The following MLLT6 variants were observed in gnomAD, a reference collection of about 807,000 sequenced individuals.
MLLT6 encodes protein AF-17.
A neutral mutation model predicts 103.0 loss-of-function variants in MLLT6; 22 were observed. That is an observed-to-expected ratio of 0.21 (90% confidence interval 0.15 to 0.31). MLLT6 has a LOEUF of 0.31. Ranked by LOEUF, MLLT6 falls within the 10% of genes least tolerant of loss-of-function variation. MLLT6 has a pLI of 1.00. For missense variants in MLLT6, 1,199 were observed against 1,441.7 expected, an observed-to-expected ratio of 0.83 and a Z score of 2.73; for synonymous variants, 606 against 623.5, an observed-to-expected ratio of 0.97 and a Z score of 0.42.
rs765399790 is a variant in MLLT6, at chr17:38,715,716, G to C, written c.924G>C (p.Leu308=). The C allele has an allele frequency of 2.5e-6, 4 of 1,614,138 alleles. No individual in the cohort carries two copies. The highest frequency in any genetic ancestry group is 3.4e-6 in the Non-Finnish European group (4 of 1,180,038). The stretch of plus-strand genomic sequence containing the variant: ...GGAAAAAGTCTTCCAGCCATAGCCT[G>C]AGTCATAAAGGGAAGAAACTGAGCA... ...SKGKKSSSHS[L]SHKGKKLSSG... The change falls in exon 9 of 20, where the codon CTG becomes CTC. Residue 308 remains leucine (L), a synonymous_variant. Coordinates refer to ENST00000621332, the MANE Select transcript of MLLT6 (RefSeq NM_005937.4).
intron 17 of MLLT6, 139 bp downstream of exon 17, chr17:38,722,366 C>G (rs1396397736): frequency 1.6e-5 from 11 of 676,760 alleles, no homozygotes; most frequent in African/African-American, 3.6e-5. Context: ...TCCTAGTCAC[C>G]TCTTGGCCTC....
Position 38,728,855 on chromosome 17 carries a change from A to G in MLLT6, c.*3257A>G, listed in dbSNP as rs1598006825. Reference sequence around the variant, plus strand: ...TATGTGGCACTGACTGTCTTAGCTCAGAGCTGGTGGATCCTCTCCATGGAC... The same window carrying G: ...TATGTGGCACTGACTGTCTTAGCTCGGAGCTGGTGGATCCTCTCCATGGAC... On this transcript the variant is annotated 3_prime_UTR_variant, in exon 20 of 20. Coordinates refer to ENST00000621332, the MANE Select transcript of MLLT6 (RefSeq NM_005937.4). 6 of 233,972 alleles carry G rather than the reference A, an allele frequency of 2.6e-5. No homozygotes were observed. The East Asian group carries it at 3.6e-4, about 14-fold the overall frequency. The allele number at this position is 233,972 out of a possible 1,614,324, so 14.5% of individuals were successfully genotyped here. A position where few individuals can be genotyped will look rare whatever the true frequency, so the allele number is the denominator to read the frequency against.
chr17:38,711,523 A>G (rs1905140460), intron 6 of MLLT6, among the ~76,000 whole-genome samples: 1 of 152,120 alleles, frequency 6.6e-6, no homozygotes, highest in Admixed American at 6.5e-5. Context: ...CAGTCAGCCA[A>G]GAGGGCACCA....
intron 6 of MLLT6, among the ~76,000 whole-genome samples, chr17:38,710,793 A>G (rs1905116910): frequency 6.6e-6 from 1 of 152,136 alleles, no homozygotes; most frequent in Admixed American, 6.5e-5. Context: ...CCCCTGTTTC[A>G]TTTTTGAAAG....
At chr17:38,719,669 A>C (rs1905575428) in intron 13 of MLLT6, 81 bp from the exon 14 acceptor site, 5 of 1,570,900 alleles carry the variant, frequency 3.2e-6, no homozygotes, top group Non-Finnish European at 4.3e-6. Context: ...CGTGGGCTGG[A>C]ACCCCTGGGG....
Position 38,705,307 on chromosome 17 carries a change from C to T in MLLT6, c.-326C>T, listed in dbSNP as rs1299371675. Among the ~76,000 whole-genome samples the T allele has an allele frequency of 6.9e-6, 1 of 145,102 alleles. No homozygotes were observed. The highest frequency in any genetic ancestry group is 2.5e-5 in the African/African-American group (1 of 39,768). On this transcript the variant is annotated 5_prime_UTR_variant, in exon 1 of 20. The change creates a new upstream start codon in the 5' untranslated region. Transcript: ENST00000621332. ...CGCCTCCCCCGCCGGGCTCGGGCTACGCGGCGGCGGGGCGGCCCTAGGAGC... is the reference window on the plus strand; with the variant it reads ...CGCCTCCCCCGCCGGGCTCGGGCTATGCGGCGGCGGGGCGGCCCTAGGAGC...
rs199803734 is a variant in MLLT6, at chr17:38,717,962, A to G, written c.1942+9A>G. 1.9e-4 allele frequency: 294 copies of G among 1,559,970 alleles called. No homozygotes were observed. Among genetic ancestry groups the G allele is most frequent in the Non-Finnish European group, 2.4e-4 (266 of 1,131,554 alleles). ...TGAGAGCAGCCACACAGGTATGTGA[A>G]TATCTGATCCCCTCTCCCCTTTCTT... is the stretch of plus-strand genomic sequence containing the variant. On this transcript the variant is annotated intron_variant, in intron 12 of 19. Transcript: ENST00000621332.
In MLLT6 at chr17:38,705,662, A is replaced by T. The variant is rs369231140; in HGVS notation, c.30A>T (p.Val10=). The T allele has an allele frequency of 1.3e-6, 2 of 1,548,648 alleles. No homozygotes were observed. Among genetic ancestry groups the T allele is most frequent in the Admixed American group, 1.8e-5 (1 of 56,200 alleles). ...AGGAGATGGTAGGAGGCTGCTGCGT[A>T]TGTTCGGACGAGAGGGGCTGGGCCG... is the stretch of plus-strand genomic sequence containing the variant. MKEMVGGCC[V]CSDERGWAEN... is the part of the protein sequence containing the mutation. The change falls in exon 1 of 20, where the codon GTA becomes GTT. Residue 10 remains valine, a synonymous_variant. Coordinates refer to ENST00000621332, the MANE Select transcript of MLLT6 (RefSeq NM_005937.4).
Position 38,716,438 on chromosome 17 carries a change from T to TC in MLLT6, c.1110dup (p.Lys371GlnfsTer22). On this transcript the variant is annotated frameshift_variant, in exon 10 of 20. Transcript: ENST00000621332. LOFTEE classifies it high-confidence loss of function. The surrounding 1 kb of genome is among the most constrained non-coding windows in gnomAD (Gnocchi z 5.6). The stretch of plus-strand genomic sequence containing the variant: ...GGAGCAGCCAGAGGAGGACAAGTAC[T>TC]CCAAGCCCACAGCCCCCGCCCCTTC... The TC allele has an allele frequency of 6.2e-7, 1 of 1,613,832 alleles. No homozygotes were observed.
intron 9 of MLLT6, 112 bp downstream of exon 9, chr17:38,715,940 G>A (rs1262105418): frequency 1.0e-6 from 1 of 969,338 alleles, no homozygotes; most frequent in Non-Finnish European, 1.5e-6. Context: ...TTCTCCATTG[G>A]TTCAGGATAA....
In MLLT6 at chr17:38,715,867, A is replaced by C. The variant is rs73293275; in HGVS notation, c.1036+39A>C. 6.6e-3 allele frequency: 10,072 copies of C among 1,537,602 alleles called. 532 individuals are homozygous for C. The African/African-American group carries it at 0.12, about 18-fold the overall frequency. Reference sequence around the variant, plus strand: ...TCCGGGAGGAAGCTGGGAGCAGGGAAAGCCTTTTGTCCTGAGCTTTTCTGG... The same window carrying C: ...TCCGGGAGGAAGCTGGGAGCAGGGACAGCCTTTTGTCCTGAGCTTTTCTGG... On this transcript the variant is annotated intron_variant, in intron 9 of 19. Transcript: ENST00000621332.
chr17:38,720,252 T>A, intron 14 of MLLT6, 120 bp from the exon 15 acceptor site: 1 of 1,007,852 alleles, frequency 9.9e-7, no homozygotes, highest in African/African-American at 1.6e-5. Context: ...GTGTCCCTCC[T>A]TAGGATGGCG....
rs73293272 is a variant in MLLT6 at position 38,709,964 on chromosome 17, A to G, written c.552+389A>G. Among the ~76,000 whole-genome samples, 1,612 of 152,316 alleles carry G rather than the reference A, an allele frequency of 0.011. 28 individuals carry two copies. The highest frequency in any genetic ancestry group is 0.037 in the African/African-American group (1,522 of 41,572). On this transcript the variant is annotated intron_variant, in intron 6 of 19. Transcript: ENST00000621332. The surrounding 1 kb of genome is among the most constrained non-coding windows in gnomAD (Gnocchi z 4.3). ...ATGTGTTATTTTGTGTGGTCCCCCC[A>G]CCAACCCTAAGAACTAGGTGTGCTA...
chr17:38,708,190 C>G, intron 4 of MLLT6: 1 of 401,438 alleles, frequency 2.5e-6, no homozygotes. Context: ...AGCTGGCACA[C>G]GCTGTTCGGT....
chr17:38,721,385 T>C (rs1183784941), intron 16 of MLLT6, among the ~76,000 whole-genome samples: 3 of 152,216 alleles, frequency 2.0e-5, no homozygotes, highest in Non-Finnish European at 4.4e-5. Flanking sequence ...GCCTATGGAA[T>C]AGGTACTACT....
In MLLT6 at chr17:38,723,367, C is replaced by T. The variant is rs1278203768; in HGVS notation, c.2883+599C>T. Among the ~76,000 whole-genome samples, 6 of 152,084 alleles carry T rather than the reference C, an allele frequency of 3.9e-5. No homozygotes were observed. In the East Asian group the frequency reaches 1.2e-3, roughly 29 times the overall value. On this transcript the variant is annotated intron_variant, in intron 18 of 19. Coordinates refer to ENST00000621332, the MANE Select transcript of MLLT6 (RefSeq NM_005937.4). ...ATTAGCTGGGCGTGGTGGTGCACGC[C>T]TGTAGTCCCAGCTACTTGGGAGCCT... is the stretch of plus-strand genomic sequence containing the variant.
Position 38,726,096 on chromosome 17 carries a change from C to G in MLLT6, c.*498C>G, listed in dbSNP as rs1906015801. On this transcript the variant is annotated 3_prime_UTR_variant, in exon 20 of 20. Transcript: ENST00000621332. ...CAGATGGCAGAAGGGACCCCTTGGA[C>G]TTTTTCTCGCCATCCCTCCCCCCAG... 4.2e-6 allele frequency: 1 copy of G among 235,666 alleles called. No individual in the cohort carries two copies. Among genetic ancestry groups the G allele is most frequent in the African/African-American group, 2.2e-5 (1 of 45,386 alleles). 14.6% of individuals were successfully genotyped at this position (235,666 alleles called of 1,614,324 possible).
In MLLT6 at chr17:38,716,374, C is replaced by G; in HGVS notation, c.1044C>G (p.Ser348=). Residue 348 remains serine (S), a synonymous_variant, in exon 10 of 20, where the codon TCC becomes TCG. Coordinates refer to ENST00000621332, the MANE Select transcript of MLLT6 (RefSeq NM_005937.4). The surrounding 1 kb of genome is among the most constrained non-coding windows in gnomAD (Gnocchi z 5.6). The part of the protein sequence containing the change: ...SGGPFQPAVS[S]LQSSPDFSAF... Reference sequence around the variant, plus strand: ...TTTCCCCTCTGTGCACAGTCTCGTCCCTGCAGAGCTCCCCTGACTTCTCTG... The same window carrying G: ...TTTCCCCTCTGTGCACAGTCTCGTCGCTGCAGAGCTCCCCTGACTTCTCTG... 6.2e-7 allele frequency: 1 copy of G among 1,611,458 alleles called. No individual in the cohort carries two copies. The highest frequency in any genetic ancestry group is 8.5e-7 in the Non-Finnish European group (1 of 1,179,102).
intron 4 of MLLT6, among the ~76,000 whole-genome samples, chr17:38,708,905 TAAATAA>T (rs1480349065): frequency 6.6e-6 from 1 of 152,142 alleles, no homozygotes; most frequent in Non-Finnish European, 1.5e-5. Flanking sequence ...CTCAAATAAA[TAAATAA>T]AAATAAACAA....
Sources: gnomAD v4.1 joint callset for allele counts (sites outside exome capture counted in the v4.1 genomes callset) on GRCh38, gnomAD v4.1.1 for gene constraint, Gnocchi (gnomAD v3.1) non-coding constraint, MANE v1.5 for transcripts, NCBI Gene and HGNC (gene_info 2026-07-23, HGNC 2026-07-21) for gene names.